Variants in SIPA1L1 observed in about 807,000 individuals in gnomAD.
SIPA1L1 encodes signal induced proliferation associated 1 like 1, also known as signal-induced proliferation-associated 1-like protein 1.
SIPA1L1 carries 26 observed loss-of-function variants against 162.7 expected under a neutral mutation model. The ratio of observed to expected loss-of-function variants is 0.16; its 90% CI spans 0.12 to 0.22. The LOEUF (loss-of-function observed/expected upper bound fraction) is 0.22. Ranked by LOEUF, SIPA1L1 falls within the 10% of genes least tolerant of loss-of-function variation. The pLI is 1.00. For missense variants in SIPA1L1, 1,874 were observed against 2,241.0 expected, an observed-to-expected ratio of 0.84 and a Z score of 3.31; for synonymous variants, 829 against 837.4, an observed-to-expected ratio of 0.99 and a Z score of 0.17.
At chr14:71,728,775 G>A (rs921320398) in intron 19 of SIPA1L1, among the ~76,000 whole-genome samples, 1 of 152,160 alleles carries the variant, frequency 6.6e-6, no homozygotes, top group Admixed American at 6.5e-5. Context: ...TCCCTATCGA[G>A]GCAGACAGTG....
chr14:71,564,490 CTT>C (rs370431365), intron 4 of SIPA1L1, among the ~76,000 whole-genome samples: 1 of 97,824 alleles, frequency 1.0e-5, no homozygotes. Flanking sequence ...CATTTTCTTT[CTT>C]TTTTTTTTTC....
intron 12 of SIPA1L1, among the ~76,000 whole-genome samples, chr14:71,683,874 G>A (rs1314806574): frequency 1.3e-5 from 2 of 152,184 alleles, no homozygotes; most frequent in African/African-American, 4.8e-5. Context: ...ATTTTTGGAT[G>A]AAGTGTATTC....
chr14:71,368,142 C>CTTTTTTTTTTTT (rs755238643), intron 2 of SIPA1L1, among the ~76,000 whole-genome samples: 1 of 115,184 alleles, frequency 8.7e-6, no homozygotes, highest in Non-Finnish European at 1.8e-5. Flanking sequence ...TTGTGGTATT[C>CTTTTTTTTTTTT]TTTTTTTTTT....
chr14:71,532,113 A>T (rs1567161305), intron 4 of SIPA1L1, among the ~76,000 whole-genome samples: 1 of 152,198 alleles, frequency 6.6e-6, no homozygotes, highest in African/African-American at 2.4e-5. Flanking sequence ...TATACATATT[A>T]TATCCATGTT....
chr14:71,554,251 T>A (rs1407926384), intron 4 of SIPA1L1, among the ~76,000 whole-genome samples: 1 of 152,188 alleles, frequency 6.6e-6, no homozygotes, highest in East Asian at 1.9e-4. Flanking sequence ...AAATGTTAAT[T>A]TAAGGAAGTT....
rs553395273 is a variant in SIPA1L1, at chr14:71,525,474, C to T, written c.-361-3838C>T. On this transcript the variant is annotated intron_variant, in intron 3 of 23. Transcript: ENST00000381232. ...CTGGGATTACAGGCGTGAGCCACTGCGCCCAGCCTGTAGTGACTAGATTTC... is the reference window on the plus strand; with the variant it reads ...CTGGGATTACAGGCGTGAGCCACTGTGCCCAGCCTGTAGTGACTAGATTTC... Among the ~76,000 whole-genome samples, 451 of 152,318 alleles carry T rather than the reference C, an allele frequency of 3.0e-3. 1 individual carries two copies. The highest frequency in any genetic ancestry group is 4.5e-3 in the Non-Finnish European group (307 of 68,022).
intron 2 of SIPA1L1, among the ~76,000 whole-genome samples, chr14:71,468,005 G>GGTGTGTGTGTGT (rs56265408): frequency 1.1e-4 from 15 of 141,566 alleles, no homozygotes; most frequent in East Asian, 2.1e-4. Flanking sequence ...CAGTTAGAGG[G>GGTGTGTGTGTGT]GTGTGTGTGT....
At chr14:71,675,629 C>T (rs2045076816) in intron 12 of SIPA1L1, among the ~76,000 whole-genome samples, 1 of 152,234 alleles carries the variant, frequency 6.6e-6, no homozygotes, top group Admixed American at 6.5e-5. Context: ...ACTTCACACT[C>T]CCACTGCTGT....
intron 2 of SIPA1L1, among the ~76,000 whole-genome samples, chr14:71,397,794 T>G (rs1013672043): frequency 6.6e-6 from 1 of 152,178 alleles, no homozygotes; most frequent in East Asian, 1.9e-4. Flanking sequence ...ATTCAGACTT[T>G]CTTTTGTTCA....
chr14:71,404,335 G>A (rs1356753383), intron 2 of SIPA1L1, among the ~76,000 whole-genome samples: 3 of 152,152 alleles, frequency 2.0e-5, no homozygotes, highest in Non-Finnish European at 2.9e-5. Flanking sequence ...TCTGAGGTCA[G>A]GAGCTCGAGA....
At chr14:71,545,722 G>A (rs2055128126) in intron 4 of SIPA1L1, among the ~76,000 whole-genome samples, 1 of 152,100 alleles carries the variant, frequency 6.6e-6, no homozygotes, top group African/African-American at 2.4e-5. Flanking sequence ...AGAACTTGCT[G>A]TGGAGTGCTA....
intron 4 of SIPA1L1, among the ~76,000 whole-genome samples, chr14:71,569,976 C>A (rs1246386151): frequency 6.6e-6 from 1 of 152,188 alleles, no homozygotes; most frequent in African/African-American, 2.4e-5. Context: ...TCTGTAAGAA[C>A]GGCTATGTTA....
At chr14:71,332,096 A>G (rs1033369921) in intron 2 of SIPA1L1, among the ~76,000 whole-genome samples, 4 of 152,224 alleles carry the variant, frequency 2.6e-5, no homozygotes, top group African/African-American at 7.2e-5. Flanking sequence ...TGTATGTAGT[A>G]GGCCTACCAT....
At chr14:71,520,002 G>A (rs914613850) in intron 3 of SIPA1L1, among the ~76,000 whole-genome samples, 1 of 151,504 alleles carries the variant, frequency 6.6e-6, no homozygotes, top group African/African-American at 2.4e-5. Context: ...CTTAGCGGCT[G>A]AGGACAGAAG....
chr14:71,676,908 C>G (rs989552601), intron 12 of SIPA1L1, among the ~76,000 whole-genome samples: 3 of 152,096 alleles, frequency 2.0e-5, no homozygotes, highest in Non-Finnish European at 4.4e-5. Flanking sequence ...CCAAGTCTTG[C>G]TATTGTGAAT....
chr14:71,323,314 C>T (rs2033355120), intron 2 of SIPA1L1, among the ~76,000 whole-genome samples: 1 of 152,058 alleles, frequency 6.6e-6, no homozygotes, highest in African/African-American at 2.4e-5. Flanking sequence ...AGATAAATGA[C>T]TGTTTTTCTT....
chr14:71,502,251 A>ATATAT (rs1555440954), intron 2 of SIPA1L1, among the ~76,000 whole-genome samples: 1,708 of 60,730 alleles, frequency 0.028, 17 homozygotes, highest in African/African-American at 0.064. Flanking sequence ...TGAAAAAAAA[A>ATATAT]AAAAATATAT....
chr14:71,665,879 A>G (rs779352075), intron 10 of SIPA1L1, among the ~76,000 whole-genome samples: 1 of 152,220 alleles, frequency 6.6e-6, no homozygotes, highest in African/African-American at 2.4e-5. Context: ...TTATAACAAT[A>G]TACTTTAATA....
chr14:71,451,557 C>A (rs1342405638), intron 2 of SIPA1L1, among the ~76,000 whole-genome samples: 3 of 150,976 alleles, frequency 2.0e-5, no homozygotes, highest in Non-Finnish European at 2.9e-5. Flanking sequence ...ATCACTTGAG[C>A]CCAGGAGGTG....
Sources: allele counts gnomAD v4.1 joint callset (sites outside exome capture counted in the v4.1 genomes callset), GRCh38; gene constraint gnomAD v4.1.1; transcripts MANE v1.5; gene names NCBI Gene and HGNC (gene_info 2026-07-23, HGNC 2026-07-21).